Variants in GANC observed in about 807,000 individuals in gnomAD.
The protein encoded by GANC is neutral alpha-glucosidase C.
Under a neutral mutation model 124.2 loss-of-function variants are expected in GANC, and 117 were observed. That is an observed-to-expected ratio of 0.94 (90% CI 0.81 to 1.10). The LOEUF (loss-of-function observed/expected upper bound fraction) is 1.10, where lower values mean the gene tolerates loss of function less well. Ranked by LOEUF, GANC falls within the 50% of genes least tolerant of loss-of-function variation. The probability of loss-of-function intolerance (pLI) is 0.00; values close to 1 mark genes in which losing one functional copy is unlikely to be tolerated. For missense variants in GANC, 1,140 were observed against 1,095.0 expected (o/e 1.04, Z -0.58); for synonymous variants, 377 against 376.8 (o/e 1.00, Z -0.01).
chr15:42,310,898 C>A, intron 10 of GANC, 52 bp downstream of exon 10: 1 of 1,560,794 alleles, frequency 6.4e-7, no homozygotes, highest in Non-Finnish European at 8.8e-7. Context: ...ATCCAATGTC[C>A]CATGTGTCAT....
intron 17 of GANC, among the ~76,000 whole-genome samples, chr15:42,340,349 G>C (rs961196127): frequency 6.6e-6 from 1 of 152,102 alleles, no homozygotes; most frequent in Admixed American, 6.6e-5. Flanking sequence ...GCCAGGCTTG[G>C]TGGCTCACAC....
At chr15:42,349,871 ACT>A (rs1477768114) in intron 22 of GANC, among the ~76,000 whole-genome samples, 1 of 150,734 alleles carries the variant, frequency 6.6e-6, no homozygotes, top group African/African-American at 2.4e-5. Flanking sequence ...CTGGTCTCAA[ACT>A]CCTGACCTCA....
chr15:42,291,034 A>G (rs755279235), intron 4 of GANC, among the ~76,000 whole-genome samples: 2 of 151,780 alleles, frequency 1.3e-5, no homozygotes, highest in Admixed American at 6.6e-5. Context: ...CCCGACCCCT[A>G]CCACCCTTCA....
intron 8 of GANC, among the ~76,000 whole-genome samples, 175 bp downstream of exon 8, chr15:42,308,493 C>CT (rs941742600): frequency 4.0e-5 from 6 of 151,870 alleles, no homozygotes; most frequent in Non-Finnish European, 8.8e-5. Flanking sequence ...AGTGGTTTTC[C>CT]TTTTTTTTGA....
chr15:42,350,022 CTTTTTTTT>C (rs753077889), intron 22 of GANC, among the ~76,000 whole-genome samples: 8,031 of 75,618 alleles, frequency 0.11, 385 homozygotes, highest in South Asian at 0.29. Context: ...CTTTCCCCCA[CTTTTTTTT>C]TTTTTTTTTT....
intron 6 of GANC, among the ~76,000 whole-genome samples, chr15:42,298,695 A>G (rs955309207): frequency 1.3e-5 from 2 of 152,204 alleles, no homozygotes; most frequent in African/African-American, 4.8e-5. Flanking sequence ...CCTATCCATG[A>G]GGATGGAATG....
Position 42,328,687 on chromosome 15 carries a change from C to A in GANC, c.1501-619C>A, listed in dbSNP as rs1164975637. Among the ~76,000 whole-genome samples the A allele has an allele frequency of 3.3e-5, 5 of 152,148 alleles. No homozygotes were observed. In the East Asian group the frequency reaches 9.6e-4, roughly 29 times the overall value. ...ATGAGCTGCCTGAGGGACTCCCTGT[C>A]TTTTTAGCTATTCAGTCAAACGCCA... On this transcript the variant is annotated intron_variant, in intron 13 of 23. Transcript: ENST00000318010.
chr15:42,345,928 A>C, intron 20 of GANC, 96 bp downstream of exon 20: 3 of 814,658 alleles, frequency 3.7e-6, no homozygotes. Context: ...GGTTTTACCC[A>C]ACAGAAACTT....
intron 5 of GANC, among the ~76,000 whole-genome samples, chr15:42,294,784 G>A (rs2051875167): frequency 6.6e-6 from 1 of 151,138 alleles, no homozygotes; most frequent in Admixed American, 6.6e-5. Context: ...AATTTCTGTT[G>A]TATGGCTTTA....
At chr15:42,351,850 A>T (rs906911381) in intron 23 of GANC, among the ~76,000 whole-genome samples, 180 bp from the exon 24 acceptor site, 2 of 152,204 alleles carry the variant, frequency 1.3e-5, no homozygotes, top group African/African-American at 4.8e-5. Context: ...TTGCGGTCAA[A>T]ACAATGAAGT....
Position 42,345,851 on chromosome 15 carries a change from A to G in GANC, c.2304+19A>G. ...GGACACTGTAAGTTATTTTCAGACTACTATTTTTACCTATCATGCTCTATT... is the reference window on the plus strand; with the variant it reads ...GGACACTGTAAGTTATTTTCAGACTGCTATTTTTACCTATCATGCTCTATT... On this transcript the variant is annotated intron_variant, in intron 20 of 23. Coordinates refer to ENST00000318010, the MANE Select transcript of GANC (RefSeq NM_198141.3). 1 of 1,545,104 alleles carries G rather than the reference A, an allele frequency of 6.5e-7. No individual in the cohort carries two copies. Among genetic ancestry groups the G allele is most frequent in the Non-Finnish European group, 8.9e-7 (1 of 1,119,542 alleles).
chr15:42,280,615 T>A (rs908029850), intron 3 of GANC, among the ~76,000 whole-genome samples: 1 of 152,194 alleles, frequency 6.6e-6, no homozygotes, highest in African/African-American at 2.4e-5. Context: ...CTTCTCATTG[T>A]CTCATTTTCT....
intron 14 of GANC, 50 bp from the exon 15 acceptor site, chr15:42,330,524 GTC>G: frequency 7.8e-7 from 1 of 1,289,096 alleles, no homozygotes. Flanking sequence ...TATTGGGGAT[GTC>G]TGTACAAATC....
chr15:42,350,358 CTTAAT>C (rs1466339261), intron 22 of GANC, among the ~76,000 whole-genome samples: 2 of 151,700 alleles, frequency 1.3e-5, no homozygotes, highest in African/African-American at 2.4e-5. Context: ...TGAAAAAGGA[CTTAAT>C]TTAAGTTCCC....
intron 12 of GANC, 142 bp from the exon 13 acceptor site, chr15:42,327,221 C>T (rs1595779443): frequency 1.6e-6 from 1 of 608,314 alleles, no homozygotes; most frequent in Non-Finnish European, 3.0e-6. Flanking sequence ...CACTTCTCAA[C>T]AGACCATGCC....
intron 12 of GANC, 133 bp from the exon 13 acceptor site, chr15:42,327,230 C>T (rs2052205152): frequency 1.6e-6 from 1 of 635,936 alleles, no homozygotes; most frequent in Non-Finnish European, 2.8e-6. Flanking sequence ...ACAGACCATG[C>T]CTCTGTCAGC....
chr15:42,351,859 G>T (rs1161937951), intron 23 of GANC, among the ~76,000 whole-genome samples, 171 bp from the exon 24 acceptor site: 3 of 152,160 alleles, frequency 2.0e-5, no homozygotes, highest in Non-Finnish European at 4.4e-5. Flanking sequence ...AAACAATGAA[G>T]TTTTCCACGT....
At chr15:42,284,025 A>G (rs1254755660) in intron 3 of GANC, 1 of 702,022 alleles carries the variant, frequency 1.4e-6, no homozygotes. Context: ...CATCCTCTGG[A>G]TCCCGGGAGG....
intron 18 of GANC, among the ~76,000 whole-genome samples, chr15:42,341,978 T>A (rs752647635): frequency 5.3e-5 from 8 of 152,230 alleles, no homozygotes; most frequent in Non-Finnish European, 1.2e-4. Context: ...TTCTACCTAG[T>A]AAAAATCAGC....
Sources: allele counts gnomAD v4.1 joint callset (sites outside exome capture counted in the v4.1 genomes callset), GRCh38; gene constraint gnomAD v4.1.1; transcripts MANE v1.5; gene names NCBI Gene and HGNC (gene_info 2026-07-23, HGNC 2026-07-21).